SOX6: variants seen among roughly 807,000 people sequenced by gnomAD.
The protein encoded by SOX6 is transcription factor SOX-6.
SOX6 carries 11 observed loss-of-function variants against 97.8 expected under a neutral mutation model. The ratio of observed to expected loss-of-function variants is 0.11; its 90% CI spans 0.07 to 0.19. The LOEUF is 0.19. Among genes scored for constraint, SOX6 ranks in the 10% least tolerant of loss-of-function variants. SOX6 has a pLI of 1.00. For synonymous variants in SOX6, 360 were observed against 371.4 expected (o/e 0.97, Z 0.35); for missense variants, 810 against 1,039.5 (o/e 0.78, Z 3.04).
At chr11:16,679,218 G>T (rs897249973) in intron 3 of SOX6, among the ~76,000 whole-genome samples, 1 of 152,170 alleles carries the variant, frequency 6.6e-6, no homozygotes, top group Non-Finnish European at 1.5e-5. Flanking sequence ...CGGGCCAACA[G>T]ACACCTCATA....
chr11:16,483,706 A>G (rs1286433086), intron 4 of SOX6, among the ~76,000 whole-genome samples: 1 of 152,196 alleles, frequency 6.6e-6, no homozygotes, highest in Non-Finnish European at 1.5e-5. Context: ...GGTATAGGTC[A>G]CTTAGGGACA....
intron 6 of SOX6, among the ~76,000 whole-genome samples, chr11:16,138,578 T>C (rs558685285): frequency 3.9e-5 from 6 of 152,166 alleles, no homozygotes; most frequent in African/African-American, 1.2e-4. Context: ...ACTTTAAGTT[T>C]TAGGGTACAT....
intron 6 of SOX6, among the ~76,000 whole-genome samples, chr11:16,174,104 A>G (rs1298679096): frequency 6.9e-6 from 1 of 144,762 alleles, no homozygotes; most frequent in Middle Eastern, 3.3e-3. Context: ...GGGCTTTGCT[A>G]TTAGATCCAT....
intron 1 of SOX6, among the ~76,000 whole-genome samples, chr11:16,443,793 T>A (rs745607263): frequency 8.6e-5 from 13 of 151,984 alleles, no homozygotes; most frequent in Non-Finnish European, 1.6e-4. Flanking sequence ...GGCAGGCAGA[T>A]CATGAGGTCA....
chr11:16,267,866 TA>T (rs1191982143), intron 3 of SOX6, among the ~76,000 whole-genome samples: 3 of 151,540 alleles, frequency 2.0e-5, no homozygotes, highest in East Asian at 3.9e-4. Context: ...TATTCAGCCT[TA>T]ATAAAGGAAG....
At chr11:16,668,744 G>A (rs1253570241) in intron 3 of SOX6, among the ~76,000 whole-genome samples, 1 of 152,138 alleles carries the variant, frequency 6.6e-6, no homozygotes, top group Non-Finnish European at 1.5e-5. Flanking sequence ...ACTAAAAAGT[G>A]CAGGAGTAGC....
intron 10 of SOX6, among the ~76,000 whole-genome samples, chr11:16,050,819 G>C (rs1847667511): frequency 6.6e-6 from 1 of 151,994 alleles, no homozygotes; most frequent in East Asian, 1.9e-4. Flanking sequence ...TAGAAATTTA[G>C]TTATAATATG....
At chr11:16,371,271 A>T (rs1857488170) in intron 1 of SOX6, among the ~76,000 whole-genome samples, 1 of 151,906 alleles carries the variant, frequency 6.6e-6, no homozygotes, top group South Asian at 2.1e-4. Flanking sequence ...CTCTTCCCCC[A>T]GATATCTGCA....
intron 6 of SOX6, among the ~76,000 whole-genome samples, chr11:16,115,887 T>G (rs1011609615): frequency 1.3e-5 from 2 of 152,230 alleles, no homozygotes. Context: ...AATAAATTCC[T>G]TCCTTCCTTT....
chr11:16,655,715 A>T (rs975619765), intron 3 of SOX6, among the ~76,000 whole-genome samples: 18 of 152,212 alleles, frequency 1.2e-4, no homozygotes, highest in African/African-American at 4.3e-4. Flanking sequence ...TCTTTCTTAC[A>T]TGCCCCTTCA....
In SOX6 at chr11:16,686,115, G is replaced by A. The variant is rs372339451; in HGVS notation, n.429+28715C>T. Among the ~76,000 whole-genome samples, 4 of 152,302 alleles carry A rather than the reference G, an allele frequency of 2.6e-5. No individual in the cohort carries two copies. In the East Asian group the frequency reaches 7.7e-4, roughly 29 times the overall value. ...AGCATTCTTGCCTTCTAGACCTCTG[G>A]GTCTGTGATGGAAGGGGTTGCCACA... On this transcript the variant is annotated intron_variant and non_coding_transcript_variant, in intron 3 of 5. Coordinates refer to the SOX6 transcript ENST00000524520.
At chr11:16,411,033 A>ACAGG (rs1301071878) in intron 1 of SOX6, among the ~76,000 whole-genome samples, 2 of 151,990 alleles carry the variant, frequency 1.3e-5, no homozygotes, top group Non-Finnish European at 2.9e-5. Context: ...GGTTAAAGGA[A>ACAGG]CAGGAAAGGC....
intron 4 of SOX6, among the ~76,000 whole-genome samples, chr11:16,537,063 C>T (rs909955808): frequency 5.3e-5 from 8 of 152,210 alleles, no homozygotes; most frequent in African/African-American, 1.7e-4. Context: ...GGCCGACAGA[C>T]ACCTCATACA....
chr11:16,158,282 G>C (rs1274671793), intron 6 of SOX6, among the ~76,000 whole-genome samples: 3 of 151,810 alleles, frequency 2.0e-5, no homozygotes, highest in Non-Finnish European at 2.9e-5. Context: ...CTCAAAGCTA[G>C]TATTTCCAAA....
chr11:16,251,353 A>C (rs1214707365), intron 3 of SOX6, among the ~76,000 whole-genome samples: 1 of 152,106 alleles, frequency 6.6e-6, no homozygotes, highest in African/African-American at 2.4e-5. Flanking sequence ...GATTAATGAA[A>C]TTAATAAACT....
At chr11:16,686,369 G>A (rs1847969451) in intron 3 of SOX6, among the ~76,000 whole-genome samples, 1 of 152,106 alleles carries the variant, frequency 6.6e-6, no homozygotes, top group East Asian at 1.9e-4. Flanking sequence ...TCCTGTATCT[G>A]AGAGTAGGCC....
chr11:16,298,620 G>T (rs777127379), intron 3 of SOX6, among the ~76,000 whole-genome samples: 2 of 152,064 alleles, frequency 1.3e-5, no homozygotes, highest in African/African-American at 2.4e-5. Flanking sequence ...AGATATAATT[G>T]AATAAATGGT....
At chr11:16,057,378 C>A (rs189363801) in intron 9 of SOX6, among the ~76,000 whole-genome samples, 9 of 152,020 alleles carry the variant, frequency 5.9e-5, no homozygotes, top group African/African-American at 1.9e-4. Context: ...TAAGATTTGC[C>A]TCATATTTTG....
intron 3 of SOX6, among the ~76,000 whole-genome samples, chr11:16,714,296 T>C (rs1276734193): frequency 1.3e-5 from 2 of 152,058 alleles, no homozygotes; most frequent in East Asian, 3.8e-4. Flanking sequence ...GATTTCCAAC[T>C]TCCCTAAAAT....
Sources: gnomAD v4.1 joint callset for allele counts (sites outside exome capture counted in the v4.1 genomes callset) on GRCh38, gnomAD v4.1.1 for gene constraint, MANE v1.5 for transcripts, NCBI Gene and HGNC (gene_info 2026-07-23, HGNC 2026-07-21) for gene names.